CEP76: variants seen among roughly 807,000 people sequenced by gnomAD.
CEP76 encodes the protein centrosomal protein of 76 kDa.
A neutral mutation model predicts 83.3 loss-of-function variants in CEP76; 55 were observed. That is an observed-to-expected ratio of 0.66 (90% confidence interval 0.53 to 0.83). CEP76 has a LOEUF of 0.83. CEP76 is among the 40% of genes least tolerant of loss of function. The pLI is 0.00. For synonymous variants in CEP76, 270 were observed against 274.5 expected (o/e 0.98, Z 0.16); for missense variants, 694 against 799.5 (o/e 0.87, Z 1.59).
At chr18:12,698,090 GAAAT>G (rs1598663610) in intron 4 of CEP76, among the ~76,000 whole-genome samples, 1 of 150,512 alleles carries the variant, frequency 6.6e-6, no homozygotes, top group Non-Finnish European at 1.5e-5. Flanking sequence ...CTTTATTGGA[GAAAT>G]AAGAAAAAAA....
rs2040087425 is a variant in CEP76, at chr18:12,699,771, C to CTACA, written c.295+55_295+58dup. The CTACA allele has an allele frequency of 4.1e-6, 4 of 970,812 alleles. No individual in the cohort carries two copies. The East Asian group carries it at 1.1e-4, about 26-fold the overall frequency. 60.1% of individuals were successfully genotyped at this position (970,812 alleles called of 1,614,324 possible). A position where few individuals can be genotyped will look rare whatever the true frequency, so the allele number is the denominator to read the frequency against. ...AATGTCTTCTATCAAATACGAAAGA[C>CTACA]TACACCACATCAATATTTACTATTA... On this transcript the variant is annotated intron_variant, in intron 3 of 11. Transcript: ENST00000262127.
At chr18:12,680,236 C>A (rs2039295867) in intron 9 of CEP76, among the ~76,000 whole-genome samples, 1 of 152,092 alleles carries the variant, frequency 6.6e-6, no homozygotes, top group African/African-American at 2.4e-5. Flanking sequence ...AAGGCTCTAA[C>A]TAAAATCATC....
In CEP76 at chr18:12,673,245, G is replaced by T. The variant is rs1048473449; in HGVS notation, c.*120C>A. ...TTACCAGTCAAGTATATACAAAATT[G>T]AAGTATGCCATTCAAGCCAGATTGT... is the stretch of plus-strand genomic sequence containing the variant. On this transcript the variant is annotated 3_prime_UTR_variant, in exon 12 of 12. Transcript: ENST00000262127. 4 of 1,433,066 alleles carry T rather than the reference G, an allele frequency of 2.8e-6. No individual in the cohort carries two copies. The highest frequency in any genetic ancestry group is 3.0e-5 in the African/African-American group (2 of 67,044). 88.8% of individuals were successfully genotyped at this position (1,433,066 alleles called of 1,614,324 possible).
Position 12,680,660 on chromosome 18 carries a change from ACCTGTGT to A in CEP76, c.1284_1289+1del. ...ATATCCTTATAAACTTAGTAAACTA[ACCTGTGT>A]CCTGTTAAACTCTCCCAAAAAGTGA... On this transcript the variant is annotated splice_donor_variant and coding_sequence_variant, in exon 9 of 12. Coordinates refer to ENST00000262127, the MANE Select transcript of CEP76 (RefSeq NM_024899.4). LOFTEE classifies it high-confidence loss of function. 6.3e-7 allele frequency: 1 copy of A among 1,592,628 alleles called. No individual in the cohort carries two copies.
At chr18:12,695,398 T>C (rs2039917348) in intron 5 of CEP76, 47 bp from the exon 6 acceptor site, 2 of 918,738 alleles carry the variant, frequency 2.2e-6, no homozygotes, top group Non-Finnish European at 3.3e-6. Context: ...ATACTATATA[T>C]ATTTAGTCAA....
chr18:12,682,121 A>G (rs2039371845), intron 8 of CEP76, among the ~76,000 whole-genome samples: 1 of 152,236 alleles, frequency 6.6e-6, no homozygotes, highest in African/African-American at 2.4e-5. Context: ...ACGCGAAAGC[A>G]AAAATAACTA....
At chr18:12,663,078 T>C (rs946592795) in intron 12 of CEP76, among the ~76,000 whole-genome samples, 3 of 152,186 alleles carry the variant, frequency 2.0e-5, no homozygotes, top group Admixed American at 6.5e-5. Context: ...CTTATGGAAA[T>C]TGGAGCCTGC....
intron 7 of CEP76, among the ~76,000 whole-genome samples, chr18:12,687,547 G>A (rs1279203974): frequency 6.6e-6 from 1 of 151,388 alleles, no homozygotes; most frequent in Non-Finnish European, 1.5e-5. Flanking sequence ...TCCGCCCATG[G>A]GTTCAAGCGA....
In CEP76 at chr18:12,673,532, TAAG is replaced by T. The variant is rs370698496; in HGVS notation, c.1842-32_1842-30del. ...TTTAAGAAAAAAAAAATTATTCAAT[TAAG>T]AAGTGACCATACACTTTAATTCCTT... is the stretch of plus-strand genomic sequence containing the variant. On this transcript the variant is annotated intron_variant, in intron 11 of 11. Coordinates refer to ENST00000262127, the MANE Select transcript of CEP76 (RefSeq NM_024899.4). 2,225 of 1,512,072 alleles carry T rather than the reference TAAG, an allele frequency of 1.5e-3. 30 individuals are homozygous for T. In the African/African-American group the frequency reaches 0.027, roughly 19 times the overall value. 93.7% of individuals were successfully genotyped at this position (1,512,072 alleles called of 1,614,324 possible). A position where few individuals can be genotyped will look rare whatever the true frequency, so the allele number is the denominator to read the frequency against.
rs993716068 is a variant in CEP76, at chr18:12,702,498, C to G, written c.51G>C (p.Gln17His). The change falls in exon 1 of 12, where the codon CAG (glutamine) becomes CAC (histidine). Residue 17 changes from glutamine to histidine, a missense_variant. Transcript: ENST00000262127. ...CCGCGACTCTCACCTTGCTCAGCTG[C>G]TGGTGGATGAGCTGCTTCAGCTCGG... ...KASELKQLIH[Q>H]QLSKMDVHGR... 7 of 1,609,872 alleles carry G rather than the reference C, an allele frequency of 4.3e-6. No homozygotes were observed. The highest frequency in any genetic ancestry group is 5.9e-6 in the Non-Finnish European group (7 of 1,178,488).
rs1192227693 is a variant in CEP76 at position 12,673,373 on chromosome 18, C to T, written c.1972G>A (p.Val658Ile). The change falls in exon 12 of 12, where the codon GTA becomes ATA. Residue 658 changes from valine (V) to isoleucine (I), a missense_variant. Physicochemically the swap from Val to Ile is conservative, Grantham distance 29. Coordinates refer to ENST00000262127, the MANE Select transcript of CEP76 (RefSeq NM_024899.4). ...WIMFACKYRS[V>I]L ...TTATATAAATATTGGCCCTATAATA[C>T]CGAGCGATATTTACAAGCAAACATG... The T allele has an allele frequency of 6.2e-7, 1 of 1,604,902 alleles. No homozygotes were observed. Among genetic ancestry groups the T allele is most frequent in the Non-Finnish European group, 8.5e-7 (1 of 1,177,048 alleles).
At chr18:12,674,785 A>G in intron 10 of CEP76, 32 bp from the exon 11 acceptor site, 5 of 1,410,764 alleles carry the variant, frequency 3.5e-6, no homozygotes, top group Non-Finnish European at 4.9e-6. Flanking sequence ...AGAAAAAGTG[A>G]AATACATTAA....
At chr18:12,679,639 G>C (rs1250465049) in intron 9 of CEP76, among the ~76,000 whole-genome samples, 1 of 152,096 alleles carries the variant, frequency 6.6e-6, no homozygotes, top group Non-Finnish European at 1.5e-5. Flanking sequence ...TCTAATGACA[G>C]GCTAAAGTAC....
At chr18:12,665,435 G>A (rs1350486042) in intron 12 of CEP76, among the ~76,000 whole-genome samples, 1 of 152,084 alleles carries the variant, frequency 6.6e-6, no homozygotes, top group African/African-American at 2.4e-5. Flanking sequence ...GAACAGTTCT[G>A]TTAACCTGAA....
Position 12,672,876 on chromosome 18 carries a change from A to G in CEP76, c.*489T>C. 1.0e-6 allele frequency: 1 copy of G among 985,356 alleles called. No homozygotes were observed. Among genetic ancestry groups the G allele is most frequent in the Non-Finnish European group, 1.2e-6 (1 of 829,710 alleles). 61.0% of individuals were successfully genotyped at this position (985,356 alleles called of 1,614,324 possible). ...ATCCCAAGGACCACGAATAAACCAC[A>G]AAAGTGGTAATTCATTAACATTTAT... On this transcript the variant is annotated 3_prime_UTR_variant, in exon 12 of 12. Coordinates refer to ENST00000262127, the MANE Select transcript of CEP76 (RefSeq NM_024899.4).
intron 9 of CEP76, among the ~76,000 whole-genome samples, chr18:12,680,296 T>A (rs1419499190): frequency 6.6e-6 from 1 of 152,022 alleles, no homozygotes; most frequent in Non-Finnish European, 1.5e-5. Context: ...CCTTATAATT[T>A]AAAATACTTA....
At chr18:12,667,621 C>T (rs567713467) in intron 12 of CEP76, among the ~76,000 whole-genome samples, 1 of 147,760 alleles carries the variant, frequency 6.8e-6, no homozygotes, top group African/African-American at 2.5e-5. Context: ...ATTAGCCGGG[C>T]GTGGTGGCAC....
chr18:12,692,344 C>T (rs2039798727), intron 6 of CEP76: 1 of 151,852 alleles, frequency 6.6e-6, no homozygotes, highest in African/African-American at 2.4e-5. Flanking sequence ...CTGTCATTCT[C>T]TTGTTAAAAC....
chr18:12,684,672 G>A (rs377619258), intron 8 of CEP76: 45 of 151,718 alleles, frequency 3.0e-4, no homozygotes, highest in African/African-American at 1.0e-3. Flanking sequence ...CAGTAGAGAT[G>A]GAGTTTCTCC....
Sources: gnomAD v4.1 joint callset for allele counts (sites outside exome capture counted in the v4.1 genomes callset) on GRCh38, gnomAD v4.1.1 for gene constraint, MANE v1.5 for transcripts, NCBI Gene and HGNC (gene_info 2026-07-23, HGNC 2026-07-21) for gene names.